Variants in RELN observed in about 807,000 individuals in gnomAD.
RELN encodes the protein reelin.
In RELN, 108 loss-of-function variants were observed where a neutral mutation model predicts 427.6. The observed-to-expected ratio is 0.25, with a 90% CI of 0.22 to 0.30. The LOEUF (loss-of-function observed/expected upper bound fraction) is 0.30, where lower values mean the gene tolerates loss of function less well. Ranked by LOEUF, RELN falls within the 10% of genes least tolerant of loss-of-function variation. The probability of loss-of-function intolerance (pLI) is 1.00; values close to 1 mark genes in which losing one functional copy is unlikely to be tolerated. For missense variants in RELN, 3,715 were observed against 4,302.8 expected (o/e 0.86, Z 3.82); for synonymous variants, 1,524 against 1,513.4 (o/e 1.01, Z -0.16).
chr7:103,903,550 G>A (rs185001967), intron 2 of RELN, among the ~76,000 whole-genome samples: 7 of 151,938 alleles, frequency 4.6e-5, no homozygotes, highest in African/African-American at 1.4e-4. Context: ...TTTTTAACAC[G>A]AACAGGCAAA....
At chr7:103,807,948 C>T (rs1031200396) in intron 3 of RELN, among the ~76,000 whole-genome samples, 1 of 152,096 alleles carries the variant, frequency 6.6e-6, no homozygotes, top group Non-Finnish European at 1.5e-5. Context: ...TCCAGAGACA[C>T]TAGGCACAAC....
At chr7:103,668,847 A>G (rs375005064) in intron 11 of RELN, among the ~76,000 whole-genome samples, 58 of 152,340 alleles carry the variant, frequency 3.8e-4, no homozygotes, top group South Asian at 1.4e-3. Context: ...AAGCAAGTTA[A>G]GGTTATAAAT....
At chr7:103,627,662 A>G (rs1832357020) in intron 20 of RELN, among the ~76,000 whole-genome samples, 1 of 149,968 alleles carries the variant, frequency 6.7e-6, no homozygotes, top group Non-Finnish European at 1.5e-5. Flanking sequence ...TTCAGAGAAG[A>G]TCAGAAAGTC....
intron 1 of RELN, among the ~76,000 whole-genome samples, chr7:103,954,454 G>GTT (rs1796394732): frequency 6.6e-6 from 1 of 152,020 alleles, no homozygotes; most frequent in Admixed American, 6.6e-5. Flanking sequence ...ATGTGTGTGT[G>GTT]TGTGCACACA....
chr7:103,672,654 T>C (rs1026471089), intron 11 of RELN, among the ~76,000 whole-genome samples: 2 of 152,140 alleles, frequency 1.3e-5, no homozygotes, highest in Admixed American at 6.6e-5. Flanking sequence ...ATATTTTTTT[T>C]CCCAATAATA....
intron 10 of RELN, among the ~76,000 whole-genome samples, chr7:103,693,268 C>G: frequency 6.6e-6 from 1 of 151,008 alleles, no homozygotes; most frequent in African/African-American, 2.4e-5. Flanking sequence ...ACCACATGTT[C>G]TCACTCATAA....
intron 22 of RELN, among the ~76,000 whole-genome samples, chr7:103,606,924 T>C (rs1160893217): frequency 6.6e-6 from 1 of 151,972 alleles, no homozygotes; most frequent in Non-Finnish European, 1.5e-5. Context: ...AGTAAGAACA[T>C]GCGGTGTTTG....
intron 1 of RELN, among the ~76,000 whole-genome samples, chr7:103,958,685 A>C (rs1796485961): frequency 1.3e-5 from 2 of 152,232 alleles, no homozygotes; most frequent in African/African-American, 4.8e-5. Context: ...AGCCACACAC[A>C]AGTGACTCAC....
chr7:103,616,592 G>C (rs1304618412), intron 20 of RELN, among the ~76,000 whole-genome samples: 1 of 152,126 alleles, frequency 6.6e-6, no homozygotes, highest in Non-Finnish European at 1.5e-5. Context: ...CCACCTTCTA[G>C]AGATGACCAC....
chr7:103,926,022 T>G (rs1795724427), intron 1 of RELN, among the ~76,000 whole-genome samples: 2 of 151,114 alleles, frequency 1.3e-5, no homozygotes, highest in South Asian at 4.2e-4. Context: ...AAATTTGAAC[T>G]CACGTAACAA....
chr7:103,610,654 CAAAGTT>C (rs762574750), intron 22 of RELN, 35 bp downstream of exon 22: 5 of 1,007,022 alleles, frequency 5.0e-6, no homozygotes, highest in Non-Finnish European at 8.0e-6. Context: ...AAGGGATAGT[CAAAGTT>C]AAAGTGACAG....
chr7:103,872,871 AGT>A (rs1213794014), intron 2 of RELN, among the ~76,000 whole-genome samples: 1 of 150,630 alleles, frequency 6.6e-6, no homozygotes, highest in African/African-American at 2.4e-5. Context: ...TCTTTTGAGA[AGT>A]GTCTGTTCAT....
Position 103,698,096 on chromosome 7 carries a change from G to A in RELN, c.903-3C>T. The A allele has an allele frequency of 1.2e-6, 2 of 1,613,598 alleles. No individual in the cohort carries two copies. The highest frequency in any genetic ancestry group is 1.7e-6 in the Non-Finnish European group (2 of 1,179,676). On this transcript the variant is annotated splice_polypyrimidine_tract_variant and splice_region_variant and intron_variant, in intron 9 of 64. Coordinates refer to ENST00000428762, the MANE Select transcript of RELN (RefSeq NM_005045.4). The stretch of plus-strand genomic sequence containing the variant: ...TTGTGCTGACATTGGAAGGGGCTCT[G>A]GAACATACAGAGAGATGGCAAGTTT...
intron 57 of RELN, among the ~76,000 whole-genome samples, chr7:103,492,478 C>T (rs1404299818): frequency 6.6e-6 from 1 of 151,992 alleles, no homozygotes; most frequent in East Asian, 1.9e-4. Flanking sequence ...TCTGTATTTC[C>T]ATATCAATGA....
At chr7:103,685,408 A>G (rs1833745903) in intron 10 of RELN, among the ~76,000 whole-genome samples, 1 of 152,112 alleles carries the variant, frequency 6.6e-6, no homozygotes, top group African/African-American at 2.4e-5. Context: ...GGACTATTTT[A>G]CTTTGAGCAT....
chr7:103,562,053 C>T, intron 34 of RELN, 100 bp from the exon 35 acceptor site: 2 of 1,395,810 alleles, frequency 1.4e-6, no homozygotes, highest in Non-Finnish European at 2.0e-6. Flanking sequence ...TTTAAAGTGC[C>T]TTCCTCCAGG....
chr7:103,474,277 A>G (rs1375186124), intron 64 of RELN, among the ~76,000 whole-genome samples: 1 of 152,198 alleles, frequency 6.6e-6, no homozygotes, highest in Non-Finnish European at 1.5e-5. Flanking sequence ...GTGCTAAAAT[A>G]TTGATACAAA....
chr7:103,614,517 A>T (rs1832036196), intron 20 of RELN, among the ~76,000 whole-genome samples: 1 of 152,208 alleles, frequency 6.6e-6, no homozygotes, highest in Non-Finnish European at 1.5e-5. Context: ...TCTAGGGGGC[A>T]GCAGCCATCT....
At position 103,563,635 on chromosome 7, in the gene RELN, T is replaced by C. The variant is rs1264915850; in HGVS notation, c.5210+1643A>G. Among the ~76,000 whole-genome samples the C allele has an allele frequency of 6.6e-6, 1 of 152,234 alleles. No individual in the cohort carries two copies. The highest frequency in any genetic ancestry group is 1.5e-5 in the Non-Finnish European group (1 of 68,046). On this transcript the variant is annotated intron_variant, in intron 34 of 64. Coordinates refer to ENST00000428762, the MANE Select transcript of RELN (RefSeq NM_005045.4). This position sits in a 1 kb window ranked among gnomAD's most constrained non-coding sequence, Gnocchi z 4.1. ...AAGTGCATAGTGTTTATGAAATCTATAGTAGTGTACAGTAATATTCTAGGC... is the reference window on the plus strand; with the variant it reads ...AAGTGCATAGTGTTTATGAAATCTACAGTAGTGTACAGTAATATTCTAGGC...
Sources: allele counts gnomAD v4.1 joint callset (sites outside exome capture counted in the v4.1 genomes callset), GRCh38; gene constraint gnomAD v4.1.1; non-coding constraint Gnocchi (gnomAD v3.1); transcripts MANE v1.5; gene names NCBI Gene and HGNC (gene_info 2026-07-23, HGNC 2026-07-21).